Variants in THBS2 observed in about 807,000 individuals in gnomAD.
The protein encoded by THBS2 is thrombospondin-2.
A neutral mutation model predicts 135.2 loss-of-function variants in THBS2; 47 were observed. That is an observed-to-expected ratio of 0.35 (90% confidence interval 0.28 to 0.44). The LOEUF (loss-of-function observed/expected upper bound fraction) is 0.44, where lower values mean the gene tolerates loss of function less well. Among genes scored for constraint, THBS2 ranks in the 20% least tolerant of loss-of-function variants. THBS2 has a pLI of 1.00. For missense variants in THBS2, 1,288 were observed against 1,603.1 expected, an observed-to-expected ratio of 0.80 and a Z score of 3.36; for synonymous variants, 639 against 633.8, an observed-to-expected ratio of 1.01 and a Z score of -0.12.
Position 169,239,622 on chromosome 6 carries a change from T to A in THBS2, c.1106A>T (p.Glu369Val). The change falls in exon 7 of 22, where the codon GAA becomes GTA. Residue 369 changes from glutamate to valine, a missense_variant. Physicochemically the swap from Glu to Val is moderately radical, Grantham distance 121. Coordinates refer to ENST00000617924, the MANE Select transcript of THBS2 (RefSeq NM_003247.5). ...ACAGTGGAGGCAGGAAGGGCAGCAT[T>A]CGCCTTCCACAAAGGATGGACTGGC... ...TCASPSFVEG[E>V]CCPSCLHSVD... 1 of 1,604,270 alleles carries A rather than the reference T, an allele frequency of 6.2e-7. No individual in the cohort carries two copies. The highest frequency in any genetic ancestry group is 8.5e-7 in the Non-Finnish European group (1 of 1,176,306).
chr6:169,232,634 C>T (rs1327425528), intron 12 of THBS2, 30 bp downstream of exon 12: 1 of 1,568,236 alleles, frequency 6.4e-7, no homozygotes, highest in Admixed American at 1.9e-5. Flanking sequence ...AAGCCGCTCG[C>T]AACACACAAG....
In THBS2 at chr6:169,220,285, C is replaced by CATAG; in HGVS notation, c.3420_3423dup (p.Asp1142LeufsTer2). 1.9e-6 allele frequency: 3 copies of CATAG among 1,613,914 alleles called. No homozygotes were observed. The highest frequency in any genetic ancestry group is 2.5e-6 in the Non-Finnish European group (3 of 1,179,932). On this transcript the variant is annotated frameshift_variant, in exon 21 of 22. Transcript: ENST00000617924. LOFTEE classifies it high-confidence loss of function. ...AGCCGCCCGCCAGCGTAGGTTTGGT[C>CATAG]ATAGATAGGTCCTGAGTCTGCCATG... is the stretch of plus-strand genomic sequence containing the variant.
intron 15 of THBS2, among the ~76,000 whole-genome samples, chr6:169,226,568 T>G (rs554320865): frequency 3.9e-4 from 60 of 152,304 alleles, no homozygotes; most frequent in African/African-American, 1.3e-3. Context: ...GGAGGGGTAG[T>G]TGAATGTGCT....
In THBS2 at chr6:169,241,696, T is replaced by G; in HGVS notation, c.891+66A>C. Reference sequence around the variant, plus strand: ...CAAGCCAGGGAATGTTGATACCTGCTGAGATGGGCCAGCGGCGGAGCTGCC... The same window carrying G: ...CAAGCCAGGGAATGTTGATACCTGCGGAGATGGGCCAGCGGCGGAGCTGCC... On this transcript the variant is annotated intron_variant, in intron 5 of 21. Coordinates refer to ENST00000617924, the MANE Select transcript of THBS2 (RefSeq NM_003247.5). This position sits in a 1 kb window ranked among gnomAD's most constrained non-coding sequence, Gnocchi z 5.5. 6 of 1,497,552 alleles carry G rather than the reference T, an allele frequency of 4.0e-6. No homozygotes were observed. The highest frequency in any genetic ancestry group is 5.5e-6 in the Non-Finnish European group (6 of 1,100,622). 92.8% of individuals were successfully genotyped at this position (1,497,552 alleles called of 1,614,324 possible).
In THBS2 at chr6:169,248,551, C is replaced by T. The variant is rs144067288; in HGVS notation, c.475G>A (p.Glu159Lys). 2.0e-4 allele frequency: 325 copies of T among 1,614,012 alleles called. No individual in the cohort carries two copies. The African/African-American group carries it at 3.9e-3, about 19-fold the overall frequency. The change falls in exon 3 of 22, where the codon GAG becomes AAG. Residue 159 changes from glutamate (E) to lysine (K), a missense_variant. This residue lies in a region of THBS2 where 414 missense variants were observed against 447.0 expected (regional missense o/e 0.93). Transcript: ENST00000617924. Reference sequence around the variant, plus strand: ...CAGCCCACGTGCAAGCTGTAGGTCTCGCCAGCCACCTGCACGGTGACGTTC... The same window carrying T: ...CAGCCCACGTGCAAGCTGTAGGTCTTGCCAGCCACCTGCACGGTGACGTTC... ...WKNVTVQVAG[E>K]TYSLHVGCDL...
intron 2 of THBS2, 117 bp downstream of exon 2, chr6:169,250,616 A>C: frequency 1.3e-6 from 1 of 773,346 alleles, no homozygotes; most frequent in Non-Finnish European, 2.0e-6. Context: ...TAAAGGAGCT[A>C]GAAGGTCCTC....
In THBS2 at chr6:169,241,788, G is replaced by C; in HGVS notation, c.865C>G (p.Gln289Glu). 1.2e-6 allele frequency: 2 copies of C among 1,611,166 alleles called. No homozygotes were observed. The highest frequency in any genetic ancestry group is 8.5e-7 in the Non-Finnish European group (1 of 1,178,658). ...ELSGLHVLVNQLSENLKRVSN... is the reference protein window; with the variant it reads ...ELSGLHVLVNELSENLKRVSN... ...ACTCTCTTGAGGTTCTCGCTGAGCT[G>C]GTTCACGAGGACGTGGAGCCCCGAG... Residue 289 changes from glutamine to glutamate, a missense_variant, in exon 5 of 22, where the codon CAG becomes GAG. By Grantham distance (29) the Gln-to-Glu change is conservative. Coordinates refer to ENST00000617924, the MANE Select transcript of THBS2 (RefSeq NM_003247.5). The surrounding 1 kb of genome is among the most constrained non-coding windows in gnomAD (Gnocchi z 5.5).
chr6:169,229,112 G>A (rs1169996283), intron 14 of THBS2, among the ~76,000 whole-genome samples: 2 of 152,194 alleles, frequency 1.3e-5, no homozygotes, highest in Non-Finnish European at 2.9e-5. Flanking sequence ...ATCAAAGTCA[G>A]ATGTAAAAAA....
intron 16 of THBS2, among the ~76,000 whole-genome samples, chr6:169,225,970 T>C (rs9505889): frequency 0.23 from 35,101 of 152,224 alleles, 4,254 homozygotes; most frequent in East Asian, 0.32. Flanking sequence ...GAAAACTCCA[T>C]GTTATCCTGT....
intron 21 of THBS2, among the ~76,000 whole-genome samples, chr6:169,218,410 G>A (rs936245294): frequency 6.7e-6 from 1 of 149,880 alleles, no homozygotes; most frequent in African/African-American, 2.5e-5. Context: ...ATGGATGGGT[G>A]GGTGGATGGA....
intron 6 of THBS2, 82 bp downstream of exon 6, chr6:169,240,370 C>T (rs1213792491): frequency 1.3e-5 from 21 of 1,565,160 alleles, no homozygotes; most frequent in East Asian, 4.5e-5. Context: ...CAGCACTGAA[C>T]GCTGGCATTT....
chr6:169,221,401 G>A (rs1779424622), intron 20 of THBS2, 29 bp downstream of exon 20: 2 of 1,602,226 alleles, frequency 1.2e-6, no homozygotes, highest in Admixed American at 1.7e-5. Flanking sequence ...CCCCTTGGAA[G>A]AAATGCAGCT....
At position 169,252,408 on chromosome 6, in the gene THBS2, T is replaced by C. The variant is rs1272459524; in HGVS notation, c.-23+1316A>G. ...GCCCACACTGCCGGGTACGTCGCAG[T>C]CCCCTAAGGACAGCTGTGTGGGGCT... On this transcript the variant is annotated intron_variant, in intron 1 of 21. Coordinates refer to ENST00000617924, the MANE Select transcript of THBS2 (RefSeq NM_003247.5). This position sits in a 1 kb window ranked among gnomAD's most constrained non-coding sequence, Gnocchi z 4.3. Among the ~76,000 whole-genome samples, 5 of 152,014 alleles carry C rather than the reference T, an allele frequency of 3.3e-5. No individual in the cohort carries two copies. The highest frequency in any genetic ancestry group is 5.9e-5 in the Non-Finnish European group (4 of 67,992).
chr6:169,226,030 G>T, intron 16 of THBS2, 150 bp downstream of exon 16: 1 of 728,668 alleles, frequency 1.4e-6, no homozygotes, highest in Admixed American at 2.5e-5. Flanking sequence ...GGGGACTGAT[G>T]AGGACCTGAG....
rs542669276 is a variant in THBS2, at chr6:169,217,885, T to C, written c.3512-56A>G. On this transcript the variant is annotated intron_variant, in intron 21 of 21. Transcript: ENST00000617924. ...ATTAGCATAACTGGGCCATGGGTAG[T>C]GATTTATTTTGTTTTACCTAGAACC... 24 of 1,540,240 alleles carry C rather than the reference T, an allele frequency of 1.6e-5. No homozygotes were observed. The East Asian group carries it at 5.4e-4, about 35-fold the overall frequency.
At position 169,241,780 on chromosome 6, in the gene THBS2, G is replaced by A. The variant is rs753649288; in HGVS notation, c.873C>T (p.Ser291=). The change falls in exon 5 of 22, where the codon AGC becomes AGT. Residue 291 remains serine (S), a synonymous_variant. Coordinates refer to ENST00000617924, the MANE Select transcript of THBS2 (RefSeq NM_003247.5). This position sits in a 1 kb window ranked among gnomAD's most constrained non-coding sequence, Gnocchi z 5.5. ...TACCCACCACTCTCTTGAGGTTCTC[G>A]CTGAGCTGGTTCACGAGGACGTGGA... ...SGLHVLVNQL[S]ENLKRVSNDN... is the part of the protein sequence containing the mutation. 30 of 1,610,172 alleles carry A rather than the reference G, an allele frequency of 1.9e-5. No homozygotes were observed. The highest frequency in any genetic ancestry group is 1.2e-4 in the African/African-American group (9 of 74,874).
At chr6:169,250,966 T>G (rs1780731173) in intron 1 of THBS2, among the ~76,000 whole-genome samples, 160 bp from the exon 2 acceptor site, 1 of 152,188 alleles carries the variant, frequency 6.6e-6, no homozygotes, top group African/African-American at 2.4e-5. Context: ...AGGAGGAAAT[T>G]TACTCTTCAA....
chr6:169,251,473 G>T (rs1168300968), intron 1 of THBS2, among the ~76,000 whole-genome samples: 1 of 152,146 alleles, frequency 6.6e-6, no homozygotes, highest in African/African-American at 2.4e-5. Flanking sequence ...CTCAGTGGAG[G>T]CTGGCCCCGA....
intron 19 of THBS2, 64 bp downstream of exon 19, chr6:169,222,133 G>C: frequency 6.6e-7 from 1 of 1,523,000 alleles, no homozygotes; most frequent in Non-Finnish European, 8.8e-7. Flanking sequence ...GGCTAGTCCT[G>C]CTGAAACACT....
Sources: gnomAD v4.1 joint callset for allele counts (sites outside exome capture counted in the v4.1 genomes callset) on GRCh38, gnomAD v4.1.1 for gene constraint, gnomAD v4.1.1 regional missense constraint, Gnocchi (gnomAD v3.1) non-coding constraint, MANE v1.5 for transcripts, NCBI Gene and HGNC (gene_info 2026-07-23, HGNC 2026-07-21) for gene names.